Variants in NBAS observed in about 807,000 individuals in gnomAD.
The protein encoded by NBAS is NAG/BC035112 fusion.
A neutral mutation model predicts 302.5 loss-of-function variants in NBAS; 219 were observed. The observed-to-expected ratio is 0.72, with a 90% CI of 0.65 to 0.81. NBAS has a LOEUF of 0.81. Ranked by LOEUF, NBAS falls within the 30% of genes least tolerant of loss-of-function variation. The probability of loss-of-function intolerance (pLI) is 0.00; values close to 1 mark genes in which losing one functional copy is unlikely to be tolerated. For missense variants in NBAS, 2,932 were observed against 2,841.6 expected, an observed-to-expected ratio of 1.03 and a Z score of -0.72; for synonymous variants, 1,118 against 1,021.6, an observed-to-expected ratio of 1.09 and a Z score of -1.80.
intron 44 of NBAS, among the ~76,000 whole-genome samples, chr2:15,249,506 G>A (rs1230623467): frequency 6.6e-6 from 1 of 152,128 alleles, no homozygotes; most frequent in Admixed American, 6.5e-5. Flanking sequence ...ATTCAATTAG[G>A]AAAAGAGGAA....
the NBAS span, among the ~76,000 whole-genome samples, chr2:14,895,520 C>G: frequency 2.6e-5 from 4 of 152,118 alleles, no homozygotes; most frequent in Non-Finnish European, 4.4e-5. Flanking sequence ...GGGTGGATCA[C>G]AAGGTCAGGA....
chr2:14,984,341 A>G, the NBAS span, among the ~76,000 whole-genome samples: 1 of 152,190 alleles, frequency 6.6e-6, no homozygotes, highest in Admixed American at 6.5e-5. Context: ...CATGCCTTCA[A>G]GGTGAGACTT....
At chr2:14,967,732 T>C in the NBAS span, among the ~76,000 whole-genome samples, 2 of 152,170 alleles carry the variant, frequency 1.3e-5, no homozygotes, top group African/African-American at 4.8e-5. Context: ...AAATCAAAAC[T>C]TTTGTACTAT....
At chr2:14,796,841 T>A in the NBAS span, among the ~76,000 whole-genome samples, 1 of 149,020 alleles carries the variant, frequency 6.7e-6, no homozygotes, top group South Asian at 2.1e-4. Flanking sequence ...TCCCCCATTG[T>A]GGGCTTATAA....
At chr2:15,443,935 C>A (rs1421232878) in intron 21 of NBAS, among the ~76,000 whole-genome samples, 2 of 151,888 alleles carry the variant, frequency 1.3e-5, no homozygotes, top group African/African-American at 4.8e-5. Context: ...ACCTAGGAAT[C>A]CAACTTACAA....
At chr2:15,495,425 T>G (rs1325992369) in intron 11 of NBAS, among the ~76,000 whole-genome samples, 1 of 151,612 alleles carries the variant, frequency 6.6e-6, no homozygotes, top group African/African-American at 2.4e-5. Flanking sequence ...AAAGATGCAA[T>G]GAGTAAAATG....
At chr2:15,151,975 G>A in the NBAS span, among the ~76,000 whole-genome samples, 1 of 152,096 alleles carries the variant, frequency 6.6e-6, no homozygotes, top group African/African-American at 2.4e-5. Context: ...GGCCTCCCGA[G>A]TAGCTGGGAC....
At chr2:14,830,576 G>T in the NBAS span, among the ~76,000 whole-genome samples, 1 of 152,272 alleles carries the variant, frequency 6.6e-6, no homozygotes, top group South Asian at 2.1e-4. Context: ...AACCCACCAG[G>T]TTTGCGAACG....
At chr2:15,202,105 C>T (rs1267849714) in intron 48 of NBAS, among the ~76,000 whole-genome samples, 1 of 152,168 alleles carries the variant, frequency 6.6e-6, no homozygotes, top group Non-Finnish European at 1.5e-5. Flanking sequence ...TCTCCTAGGG[C>T]ACTGCAAACA....
intron 12 of NBAS, among the ~76,000 whole-genome samples, chr2:15,480,424 G>C (rs920298051): frequency 1.3e-5 from 2 of 149,850 alleles, no homozygotes; most frequent in African/African-American, 4.9e-5. Context: ...AGCACACAGA[G>C]AGCTAATAAA....
chr2:14,843,213 A>G, the NBAS span, among the ~76,000 whole-genome samples: 1 of 152,216 alleles, frequency 6.6e-6, no homozygotes, highest in Non-Finnish European at 1.5e-5. Flanking sequence ...CTGACATAAT[A>G]CTGAACTTGG....
chr2:15,290,595 T>C (rs1467659173), intron 41 of NBAS, among the ~76,000 whole-genome samples: 1 of 152,204 alleles, frequency 6.6e-6, no homozygotes, highest in Non-Finnish European at 1.5e-5. Context: ...CAAACGTCCA[T>C]AGCAAAAGCA....
intron 44 of NBAS, among the ~76,000 whole-genome samples, chr2:15,240,507 C>T (rs1042753552): frequency 2.6e-5 from 4 of 151,014 alleles, no homozygotes; most frequent in African/African-American, 9.8e-5. Context: ...GTCCCAGCTA[C>T]TCAGGAGGCT....
the NBAS span, among the ~76,000 whole-genome samples, chr2:14,867,260 C>T: frequency 0.24 from 36,700 of 151,982 alleles, 8,381 homozygotes; most frequent in African/African-American, 0.6. Context: ...TAGAAAGCAA[C>T]ACAAAACATT....
chr2:14,845,454 T>C, the NBAS span, among the ~76,000 whole-genome samples: 1 of 152,142 alleles, frequency 6.6e-6, no homozygotes, highest in African/African-American at 2.4e-5. Flanking sequence ...CAAGGCCAGA[T>C]TGTAAAGACT....
At chr2:15,148,410 T>A in the NBAS span, among the ~76,000 whole-genome samples, 22 of 152,188 alleles carry the variant, frequency 1.4e-4, no homozygotes, top group East Asian at 2.9e-3. Flanking sequence ...AAACTCAGTC[T>A]GGGATGTCAA....
intron 47 of NBAS, among the ~76,000 whole-genome samples, chr2:15,227,131 C>T (rs1041829935): frequency 6.6e-6 from 1 of 152,054 alleles, no homozygotes; most frequent in Non-Finnish European, 1.5e-5. Flanking sequence ...TTATGGAATG[C>T]TTTTTCAGCA....
At chr2:14,994,653 C>T in the NBAS span, among the ~76,000 whole-genome samples, 1 of 152,194 alleles carries the variant, frequency 6.6e-6, no homozygotes, top group Non-Finnish European at 1.5e-5. Flanking sequence ...CCGGGCATGC[C>T]AGAGCCTCTA....
the NBAS span, among the ~76,000 whole-genome samples, chr2:14,857,358 G>A: frequency 2.0e-5 from 3 of 151,770 alleles, no homozygotes; most frequent in Non-Finnish European, 4.4e-5. Context: ...AGACCCAGAA[G>A]AGCCAAAGCT....
Sources: gnomAD v4.1 joint callset for allele counts (sites outside exome capture counted in the v4.1 genomes callset) on GRCh38, gnomAD v4.1.1 for gene constraint, MANE v1.5 for transcripts, NCBI Gene and HGNC (gene_info 2026-07-23, HGNC 2026-07-21) for gene names.